OTULINL: variants seen among roughly 807,000 people sequenced by gnomAD.
OTULINL encodes inactive ubiquitin thioesterase OTULINL.
Under a neutral mutation model 43.9 loss-of-function variants are expected in OTULINL, and 42 were observed. The ratio of observed to expected loss-of-function variants is 0.96; its 90% CI spans 0.75 to 1.24. OTULINL has a LOEUF of 1.24. Ranked by LOEUF, OTULINL falls within the 50% of genes most tolerant of loss-of-function variation. The pLI, the probability that OTULINL is intolerant of heterozygous loss-of-function variation, is 0.00. For missense variants in OTULINL, 411 were observed against 426.4 expected (o/e 0.96, Z 0.32); for synonymous variants, 172 against 153.6 (o/e 1.12, Z -0.88).
At position 14,615,078 on chromosome 5, in the gene OTULINL, A is replaced by G. The variant is rs1369886091; in HGVS notation, c.*4764A>G. On this transcript the variant is annotated 3_prime_UTR_variant, in exon 8 of 8. Coordinates refer to ENST00000274217, the MANE Select transcript of OTULINL (RefSeq NM_019018.3). ...GTATAAATTTAAAACAGAAACATCA[A>G]GGTGTCAGCAATCATGATTTTGTTT... The G allele has an allele frequency of 4.3e-6, 1 of 231,328 alleles. No homozygotes were observed. Among genetic ancestry groups the G allele is most frequent in the African/African-American group, 2.2e-5 (1 of 44,546 alleles). The allele number at this position is 231,328 out of a possible 1,614,324, so 14.3% of individuals were successfully genotyped here. A position where few individuals can be genotyped will look rare whatever the true frequency, so the allele number is the denominator to read the frequency against.
At chr5:14,586,615 A>G (rs985349400) in intron 1 of OTULINL, among the ~76,000 whole-genome samples, 7 of 152,258 alleles carry the variant, frequency 4.6e-5, no homozygotes, top group Non-Finnish European at 1.0e-4. Context: ...TTGGATAGAC[A>G]CAAAGTTACC....
At position 14,614,268 on chromosome 5, in the gene OTULINL, G is replaced by A. The variant is rs1422177890; in HGVS notation, c.*3954G>A. 6.6e-6 allele frequency among the ~76,000 whole-genome samples: 1 copy of A among 152,136 alleles called. No individual in the cohort carries two copies. On this transcript the variant is annotated 3_prime_UTR_variant, in exon 8 of 8. Transcript: ENST00000274217. ...ACTGTCTATAGGGTTGCTTGTCATA[G>A]TTGAACATTATTTAATTAACTTATT...
chr5:14,582,347 G>T (rs1231719245), intron 1 of OTULINL, among the ~76,000 whole-genome samples: 1 of 152,018 alleles, frequency 6.6e-6, no homozygotes, highest in African/African-American at 2.4e-5. Flanking sequence ...CGAGCCCGGG[G>T]CGCGTGGACC....
chr5:14,584,375 C>G (rs1353855312), intron 1 of OTULINL, among the ~76,000 whole-genome samples: 1 of 152,166 alleles, frequency 6.6e-6, no homozygotes, highest in Non-Finnish European at 1.5e-5. Flanking sequence ...TAGGAATGCC[C>G]AGTGTGGAAC....
At chr5:14,585,979 G>A (rs1222972805) in intron 1 of OTULINL, among the ~76,000 whole-genome samples, 2 of 152,170 alleles carry the variant, frequency 1.3e-5, no homozygotes, top group African/African-American at 2.4e-5. Context: ...TGCAGGTCTG[G>A]GTACAGGAGG....
At chr5:14,587,928 C>G (rs1234004890) in intron 1 of OTULINL, among the ~76,000 whole-genome samples, 2 of 152,130 alleles carry the variant, frequency 1.3e-5, no homozygotes, top group African/African-American at 4.8e-5. Flanking sequence ...TTGATATTCC[C>G]TTTTCCTCCC....
intron 5 of OTULINL, among the ~76,000 whole-genome samples, chr5:14,605,339 G>A (rs1413191023): frequency 6.9e-6 from 1 of 144,560 alleles, no homozygotes; most frequent in East Asian, 2.3e-4. Context: ...CACAGCAGAG[G>A]GACCCTGGAC....
chr5:14,590,836 T>G lies in OTULINL; in HGVS notation c.64+8878T>G, dbSNP rs187555736. The stretch of plus-strand genomic sequence containing the variant: ...CCTTTCTGACAATTTGTTAGGGTCC[T>G]TTCCAGCTGACATCAGGGGCTAGCA... On this transcript the variant is annotated intron_variant, in intron 1 of 7. Coordinates refer to ENST00000274217, the MANE Select transcript of OTULINL (RefSeq NM_019018.3). 7.2e-5 allele frequency among the ~76,000 whole-genome samples: 11 copies of G among 152,364 alleles called. No homozygotes were observed. The East Asian group carries it at 1.9e-3, about 27-fold the overall frequency.
intron 1 of OTULINL, among the ~76,000 whole-genome samples, chr5:14,592,195 G>A (rs1759216791): frequency 6.6e-6 from 1 of 152,108 alleles, no homozygotes; most frequent in Non-Finnish European, 1.5e-5. Context: ...GTTTGACCTG[G>A]GGTCTCACAT....
At chr5:14,591,919 C>T (rs1341430376) in intron 1 of OTULINL, among the ~76,000 whole-genome samples, 3 of 151,970 alleles carry the variant, frequency 2.0e-5, no homozygotes, top group Non-Finnish European at 4.4e-5. Flanking sequence ...AAAAGAATAC[C>T]ACTTCCTGAC....
Position 14,601,066 on chromosome 5 carries a change from G to A in OTULINL, c.166G>A (p.Val56Met). The change falls in exon 2 of 8, where the codon GTG becomes ATG. Residue 56 changes from valine to methionine, a missense_variant. Physicochemically the swap from Val to Met is conservative, Grantham distance 21. Transcript: ENST00000274217. ...TGTGATGTTGGCAGTTTCATTTCTG[G>A]TGGCTGCCATCTGCTACTTCCGGAG... is the stretch of plus-strand genomic sequence containing the variant. ...GFVMLAVSFLVAAICYFRRLH... is the reference protein window; with the variant it reads ...GFVMLAVSFLMAAICYFRRLH... 6.2e-7 allele frequency: 1 copy of A among 1,613,530 alleles called. No individual in the cohort carries two copies.
At chr5:14,608,373 GTCT>G (rs1268826334) in intron 6 of OTULINL, among the ~76,000 whole-genome samples, 1 of 152,176 alleles carries the variant, frequency 6.6e-6, no homozygotes, top group African/African-American at 2.4e-5. Context: ...ATAGACAGCT[GTCT>G]TCTTGGTGTG....
Position 14,615,679 on chromosome 5 carries a change from A to G in OTULINL, c.*5365A>G, listed in dbSNP as rs1759662259. ...CTACCTTTAGCCGTAGATAAACATTAAAAGGAAGACTCAGCCCCAGAGTAT... is the reference window on the plus strand; with the variant it reads ...CTACCTTTAGCCGTAGATAAACATTGAAAGGAAGACTCAGCCCCAGAGTAT... On this transcript the variant is annotated 3_prime_UTR_variant, in exon 8 of 8. Transcript: ENST00000274217. Among the ~76,000 whole-genome samples, 1 of 152,222 alleles carries G rather than the reference A, an allele frequency of 6.6e-6. No homozygotes were observed. Among genetic ancestry groups the G allele is most frequent in the Non-Finnish European group, 1.5e-5 (1 of 68,048 alleles).
At position 14,608,900 on chromosome 5, in the gene OTULINL, T is replaced by G. The variant is rs1396346102; in HGVS notation, c.780T>G (p.Thr260=). Residue 260 remains threonine (T), a synonymous_variant, in exon 7 of 8, where the codon ACT becomes ACG. Coordinates refer to ENST00000274217, the MANE Select transcript of OTULINL (RefSeq NM_019018.3). Reference sequence around the variant, plus strand: ...CTGAAGTTTATGAACAAATGAAGACTAAAAAGGTCATTCCCAGTCTTTTTA... The same window carrying G: ...CTGAAGTTTATGAACAAATGAAGACGAAAAAGGTCATTCCCAGTCTTTTTA... ...QVTEVYEQMK[T]KKVIPSLFRL... is the part of the protein sequence containing the mutation. 2 of 1,614,004 alleles carry G rather than the reference T, an allele frequency of 1.2e-6. No individual in the cohort carries two copies.
At chr5:14,599,190 T>C (rs1759342531) in intron 1 of OTULINL, among the ~76,000 whole-genome samples, 1 of 152,250 alleles carries the variant, frequency 6.6e-6, no homozygotes, top group Non-Finnish European at 1.5e-5. Flanking sequence ...AATGTATCTT[T>C]AAAATTTGCT....
intron 1 of OTULINL, among the ~76,000 whole-genome samples, chr5:14,586,876 A>C (rs1424615108): frequency 1.5e-5 from 2 of 135,966 alleles, no homozygotes; most frequent in East Asian, 4.1e-4. Context: ...TCACTGTTTC[A>C]AAAAAAAAAA....
At chr5:14,582,040 C>A in intron 1 of OTULINL, 82 bp downstream of exon 1, 1 of 1,026,150 alleles carries the variant, frequency 9.7e-7, no homozygotes, top group Non-Finnish European at 1.2e-6. Flanking sequence ...CAGCCAGGGA[C>A]GCGCCCTCCT....
intron 1 of OTULINL, among the ~76,000 whole-genome samples, chr5:14,599,016 A>G (rs1759339476): frequency 6.6e-6 from 1 of 152,250 alleles, no homozygotes; most frequent in African/African-American, 2.4e-5. Flanking sequence ...ATAAAAATCT[A>G]AATTATAGAT....
At chr5:14,588,589 C>A (rs1373537676) in intron 1 of OTULINL, among the ~76,000 whole-genome samples, 1 of 152,196 alleles carries the variant, frequency 6.6e-6, no homozygotes, top group Non-Finnish European at 1.5e-5. Flanking sequence ...AGTAACAGAA[C>A]AGCCCCAAAT....
Sources: allele counts gnomAD v4.1 joint callset (sites outside exome capture counted in the v4.1 genomes callset), GRCh38; gene constraint gnomAD v4.1.1; transcripts MANE v1.5; gene names NCBI Gene and HGNC (gene_info 2026-07-23, HGNC 2026-07-21).